Variants in POU2AF2 observed in about 807,000 individuals in gnomAD.
The protein encoded by POU2AF2 is POU domain class 2-associating factor 2.
At chr11:111,278,512 G>A in the POU2AF2 span, among the ~76,000 whole-genome samples, 2 of 152,126 alleles carry the variant, frequency 1.3e-5, no homozygotes, top group Non-Finnish European at 2.9e-5. Context: ...AATGGGATTA[G>A]TGTCCTTATA....
the POU2AF2 span, among the ~76,000 whole-genome samples, chr11:111,279,639 C>T: frequency 6.6e-6 from 1 of 152,196 alleles, no homozygotes; most frequent in Non-Finnish European, 1.5e-5. Flanking sequence ...ACATCAGTCA[C>T]ATGAGATTTA....
the POU2AF2 span, among the ~76,000 whole-genome samples, chr11:111,264,780 T>A: frequency 2.4e-3 from 183 of 74,810 alleles, no homozygotes; most frequent in African/African-American, 4.4e-3. Context: ...AGGAAGGAGA[T>A]GAAGGAAGGA....
At chr11:111,247,458 G>C in the POU2AF2 span, among the ~76,000 whole-genome samples, 1 of 152,118 alleles carries the variant, frequency 6.6e-6, no homozygotes, top group Non-Finnish European at 1.5e-5. Context: ...ATTTGACCTA[G>C]CATCTTTAAA....
the POU2AF2 span, among the ~76,000 whole-genome samples, chr11:111,251,424 G>A: frequency 6.6e-6 from 1 of 152,320 alleles, no homozygotes; most frequent in South Asian, 2.1e-4. Flanking sequence ...AGTTTGAGAT[G>A]TCTACTAGAC....
chr11:111,284,226 C>A, the POU2AF2 span: 167 of 1,614,036 alleles, frequency 1.0e-4, 1 homozygote, highest in South Asian at 1.3e-3. Context: ...CAGAGCCATG[C>A]GGCTCTCCTG....
the POU2AF2 span, among the ~76,000 whole-genome samples, chr11:111,270,934 A>C: frequency 2.0e-5 from 3 of 152,118 alleles, no homozygotes; most frequent in Non-Finnish European, 2.9e-5. Flanking sequence ...CACCTATAAC[A>C]ACCCATACAC....
the POU2AF2 span, among the ~76,000 whole-genome samples, chr11:111,272,641 A>G: frequency 2.0e-5 from 3 of 152,120 alleles, no homozygotes; most frequent in Non-Finnish European, 4.4e-5. Flanking sequence ...CTATTATTGC[A>G]CCAATTACAT....
chr11:111,284,354 G>C, the POU2AF2 span: 1 of 1,607,838 alleles, frequency 6.2e-7, no homozygotes, highest in South Asian at 1.1e-5. Context: ...GCCCTTCCCC[G>C]GAGACCCAGC....
the POU2AF2 span, chr11:111,284,280 C>T: frequency 5.6e-6 from 9 of 1,613,886 alleles, no homozygotes; most frequent in Admixed American, 6.7e-5. Context: ...TACCGGCCTC[C>T]GGCGCTGACG....
the POU2AF2 span, among the ~76,000 whole-genome samples, chr11:111,265,392 C>T: frequency 6.6e-6 from 1 of 152,072 alleles, no homozygotes; most frequent in Non-Finnish European, 1.5e-5. Context: ...CCTTTCGGAG[C>T]CTCCAGCCCA....
chr11:111,252,641 C>T, the POU2AF2 span, among the ~76,000 whole-genome samples: 8 of 151,916 alleles, frequency 5.3e-5, no homozygotes, highest in African/African-American at 1.7e-4. Flanking sequence ...TCAATTTGTG[C>T]CCTTGACCTT....
At chr11:111,267,207 C>G in the POU2AF2 span, among the ~76,000 whole-genome samples, 1 of 152,152 alleles carries the variant, frequency 6.6e-6, no homozygotes, top group Non-Finnish European at 1.5e-5. Flanking sequence ...CAGTTCTATC[C>G]CAGAACCTGC....
At chr11:111,282,104 GAA>G in the POU2AF2 span, among the ~76,000 whole-genome samples, 1 of 145,764 alleles carries the variant, frequency 6.9e-6, no homozygotes, top group Non-Finnish European at 1.5e-5. Context: ...GCCTTCTACA[GAA>G]AAAAAAAAGA....
chr11:111,270,592 C>A, the POU2AF2 span, among the ~76,000 whole-genome samples: 2 of 152,160 alleles, frequency 1.3e-5, no homozygotes, highest in African/African-American at 4.8e-5. Flanking sequence ...TAGAATTGGG[C>A]CTATACCATG....
the POU2AF2 span, chr11:111,256,072 A>G: frequency 2.5e-6 from 1 of 398,990 alleles, no homozygotes; most frequent in Non-Finnish European, 4.4e-6. Context: ...ATCCGGGCAG[A>G]CAAGTAACTC....
chr11:111,276,989 T>A, the POU2AF2 span, among the ~76,000 whole-genome samples: 1 of 152,208 alleles, frequency 6.6e-6, no homozygotes, highest in Non-Finnish European at 1.5e-5. Flanking sequence ...TTAATTCAAA[T>A]TAGTAAATCT....
At chr11:111,274,088 C>T in the POU2AF2 span, among the ~76,000 whole-genome samples, 738 of 152,214 alleles carry the variant, frequency 4.8e-3, 7 homozygotes, top group South Asian at 0.016. Flanking sequence ...TTTCCCTTCA[C>T]GTAGGAAATG....
chr11:111,260,527 A>G, the POU2AF2 span, among the ~76,000 whole-genome samples: 1 of 152,192 alleles, frequency 6.6e-6, no homozygotes, highest in East Asian at 1.9e-4. Context: ...GTTTTGAGAG[A>G]GAAACACACA....
At chr11:111,259,743 C>A in the POU2AF2 span, among the ~76,000 whole-genome samples, 3 of 152,142 alleles carry the variant, frequency 2.0e-5, no homozygotes, top group Non-Finnish European at 4.4e-5. Flanking sequence ...AAAAAAAGTA[C>A]GCACCGGTTC....
Sources: allele counts gnomAD v4.1 joint callset (sites outside exome capture counted in the v4.1 genomes callset), GRCh38; gene constraint gnomAD v4.1.1; transcripts MANE v1.5; gene names NCBI Gene and HGNC (gene_info 2026-07-23, HGNC 2026-07-21).